The following RTCA variants were observed in gnomAD, a reference collection of about 807,000 sequenced individuals.
RTCA encodes RNA terminal phosphate cyclase domain 1.
In RTCA, 37 loss-of-function variants were observed where a neutral mutation model predicts 46.1. That is an observed-to-expected ratio of 0.80 (90% confidence interval 0.62 to 1.06). The LOEUF is 1.06. RTCA is among the 50% of genes least tolerant of loss of function. RTCA has a pLI of 0.00. For synonymous variants in RTCA, 164 were observed against 158.3 expected (o/e 1.04, Z -0.27); for missense variants, 435 against 455.5 (o/e 0.95, Z 0.41).
intron 9 of RTCA, among the ~76,000 whole-genome samples, chr1:100,286,827 CTAAGTA>C (rs534290056): frequency 6.6e-6 from 1 of 152,212 alleles, no homozygotes; most frequent in East Asian, 1.9e-4. Context: ...GATAGTTGGT[CTAAGTA>C]TATTACTGTT....
chr1:100,270,300 T>C (rs959270835), intron 3 of RTCA, among the ~76,000 whole-genome samples: 1 of 152,216 alleles, frequency 6.6e-6, no homozygotes, highest in Admixed American at 6.5e-5. Flanking sequence ...ATGTGTTTAG[T>C]TGAAGATTCA....
intron 4 of RTCA, among the ~76,000 whole-genome samples, chr1:100,272,623 T>C (rs1455355918): frequency 6.6e-6 from 1 of 150,568 alleles, no homozygotes; most frequent in Non-Finnish European, 1.5e-5. Context: ...TCTCAAAGAG[T>C]TGCCTTAGAC....
At position 100,275,630 on chromosome 1, in the gene RTCA, G is replaced by C. The variant is rs576546277; in HGVS notation, c.647G>C (p.Arg216Thr). 1 of 1,611,802 alleles carries C rather than the reference G, an allele frequency of 6.2e-7. No individual in the cohort carries two copies. Among genetic ancestry groups the C allele is most frequent in the African/African-American group, 1.3e-5 (1 of 74,956 alleles). The change falls in exon 7 of 11, where the codon AGA (arginine) becomes ACA (threonine). Residue 216 changes from arginine (R) to threonine (T), a missense_variant. Arg to Thr is a moderately conservative substitution (Grantham distance 71). Transcript: ENST00000370128. Reference sequence around the variant, plus strand: ...AAAGATATGGCAGCGGCAGCAGTTAGATGCATCAGAAAGGAGATCCGGGAT... The same window carrying C: ...AAAGATATGGCAGCGGCAGCAGTTACATGCATCAGAAAGGAGATCCGGGAT... Reference protein sequence around the residue: ...VAKDMAAAAVRCIRKEIRDLY... With the variant: ...VAKDMAAAAVTCIRKEIRDLY...
chr1:100,278,233 G>A (rs1666508753), intron 8 of RTCA, among the ~76,000 whole-genome samples: 1 of 152,028 alleles, frequency 6.6e-6, no homozygotes, highest in Admixed American at 6.6e-5. Context: ...TTCATCCAGT[G>A]GTTTTAACAT....
At chr1:100,285,189 TTTTG>T (rs1477191269) in intron 8 of RTCA, 35 bp from the exon 9 acceptor site, 2 of 1,504,166 alleles carry the variant, frequency 1.3e-6, no homozygotes, top group South Asian at 2.3e-5. Flanking sequence ...TTTTGTTTTG[TTTTG>T]TTTTGTTTTG....
intron 8 of RTCA, among the ~76,000 whole-genome samples, chr1:100,280,510 T>A (rs12239137): frequency 0.033 from 4,982 of 152,264 alleles, 294 homozygotes; most frequent in African/African-American, 0.12. Context: ...ACATGCCTGC[T>A]GAGATTGACT....
intron 8 of RTCA, among the ~76,000 whole-genome samples, chr1:100,280,823 G>A (rs148533127): frequency 0.018 from 2,759 of 152,222 alleles, 41 homozygotes; most frequent in Middle Eastern, 0.079. Context: ...GCAACATGGC[G>A]AAACCCTGTC....
intron 8 of RTCA, among the ~76,000 whole-genome samples, chr1:100,279,146 A>G (rs1322026098): frequency 3.9e-5 from 6 of 152,228 alleles, no homozygotes; most frequent in African/African-American, 1.4e-4. Flanking sequence ...GACATATTAC[A>G]AGTAATAAGT....
intron 10 of RTCA, among the ~76,000 whole-genome samples, chr1:100,290,498 C>T (rs1667283863): frequency 6.6e-6 from 1 of 152,224 alleles, no homozygotes; most frequent in South Asian, 2.1e-4. Context: ...AGGCCAGGCA[C>T]AATGACTCAT....
rs1031908851 is a variant in RTCA at position 100,292,570 on chromosome 1, G to A, written c.*1066G>A. The A allele has an allele frequency of 6.6e-6, 1 of 152,164 alleles. No homozygotes were observed. Among genetic ancestry groups the A allele is most frequent in the South Asian group, 2.1e-4 (1 of 4,832 alleles). 9.4% of individuals were successfully genotyped at this position (152,164 alleles called of 1,614,324 possible). On this transcript the variant is annotated 3_prime_UTR_variant, in exon 11 of 11. Coordinates refer to ENST00000370128, the MANE Select transcript of RTCA (RefSeq NM_003729.4). ...CCCACCTTGGCCTCCCAAAGTGCTG[G>A]GATTACAGGCATGAGCCACCACAGC...
Position 100,273,332 on chromosome 1 carries a change from A to G in RTCA, c.415-62A>G. The G allele has an allele frequency of 5.4e-6, 6 of 1,120,352 alleles. No homozygotes were observed. In the South Asian group the frequency reaches 5.9e-5, roughly 11 times the overall value. 69.4% of individuals were successfully genotyped at this position (1,120,352 alleles called of 1,614,324 possible). Reference sequence around the variant, plus strand: ...CCAGCAAAGCGCTTTTGTTTAATAAATACACTTGTTAAATTAGTGAATATT... The same window carrying G: ...CCAGCAAAGCGCTTTTGTTTAATAAGTACACTTGTTAAATTAGTGAATATT... On this transcript the variant is annotated intron_variant, in intron 4 of 10. Coordinates refer to ENST00000370128, the MANE Select transcript of RTCA (RefSeq NM_003729.4).
At chr1:100,271,966 T>C (rs1247280381) in intron 4 of RTCA, among the ~76,000 whole-genome samples, 1 of 152,188 alleles carries the variant, frequency 6.6e-6, no homozygotes, top group Non-Finnish European at 1.5e-5. Context: ...GGTTTTTTGC[T>C]CTCCATAATA....
chr1:100,279,873 C>G (rs74103498), intron 8 of RTCA, among the ~76,000 whole-genome samples: 4,762 of 152,228 alleles, frequency 0.031, 149 homozygotes, highest in East Asian at 0.1. Context: ...GAAATATCGA[C>G]AGGCCAGATT....
chr1:100,278,864 C>T (rs4612644), intron 8 of RTCA, among the ~76,000 whole-genome samples: 150,996 of 152,342 alleles, frequency 0.99, 74,846 homozygotes, highest in Middle Eastern at 1. Flanking sequence ...ACTGGGAGTT[C>T]GTTAGAAATA....
At chr1:100,277,108 C>A in intron 7 of RTCA, 150 bp from the exon 8 acceptor site, 1 of 666,464 alleles carries the variant, frequency 1.5e-6, no homozygotes, top group Non-Finnish European at 2.7e-6. Context: ...CAATGTTAAT[C>A]ATACCACTCT....
intron 8 of RTCA, among the ~76,000 whole-genome samples, chr1:100,279,888 A>G (rs1042870430): frequency 6.6e-6 from 1 of 152,232 alleles, no homozygotes; most frequent in African/African-American, 2.4e-5. Context: ...CAGATTCTGA[A>G]AGGCTATAGG....
chr1:100,289,487 A>C (rs893552364), intron 10 of RTCA, among the ~76,000 whole-genome samples: 14 of 152,124 alleles, frequency 9.2e-5, no homozygotes, highest in Non-Finnish European at 1.9e-4. Flanking sequence ...AGAAACATAG[A>C]TAAGTTTTTG....
At chr1:100,273,165 TC>T (rs1447738535) in intron 4 of RTCA, among the ~76,000 whole-genome samples, 2 of 152,192 alleles carry the variant, frequency 1.3e-5, no homozygotes, top group Non-Finnish European at 2.9e-5. Context: ...CCAATTTTTT[TC>T]GTTAGATAGA....
intron 3 of RTCA, among the ~76,000 whole-genome samples, chr1:100,269,050 T>C (rs1665938300): frequency 7.1e-6 from 1 of 140,300 alleles, no homozygotes; most frequent in Non-Finnish European, 1.5e-5. Context: ...TTTATATATA[T>C]AAATAAAAAT....
Sources: gnomAD v4.1 joint callset for allele counts (sites outside exome capture counted in the v4.1 genomes callset) on GRCh38, gnomAD v4.1.1 for gene constraint, MANE v1.5 for transcripts, NCBI Gene and HGNC (gene_info 2026-07-23, HGNC 2026-07-21) for gene names.